The following GABRG3 variants were observed in gnomAD, a reference collection of about 807,000 sequenced individuals.
GABRG3 encodes the protein gamma-aminobutyric acid type A receptor subunit gamma3.
Under a neutral mutation model 48.8 loss-of-function variants are expected in GABRG3, and 25 were observed. The ratio of observed to expected loss-of-function variants is 0.51; its 90% CI spans 0.37 to 0.72. The LOEUF is 0.72. Ranked by LOEUF, GABRG3 falls within the 30% of genes least tolerant of loss-of-function variation. The pLI, the probability that GABRG3 is intolerant of heterozygous loss-of-function variation, is 0.00. For missense variants in GABRG3, 394 were observed against 577.9 expected (o/e 0.68, Z 3.26); for synonymous variants, 227 against 217.6 (o/e 1.04, Z -0.38).
At chr15:27,307,216 T>G (rs534348502) in intron 3 of GABRG3, among the ~76,000 whole-genome samples, 2 of 138,308 alleles carry the variant, frequency 1.4e-5, no homozygotes, top group African/African-American at 5.1e-5. Flanking sequence ...CATGTTTATA[T>G]ATAACCATGT....
At chr15:27,328,149 C>T (rs1482829461) in intron 4 of GABRG3, among the ~76,000 whole-genome samples, 2 of 150,882 alleles carry the variant, frequency 1.3e-5, no homozygotes, top group Non-Finnish European at 2.9e-5. Flanking sequence ...AAACACGCCA[C>T]AGCTGGGAAC....
rs924157856 is a variant in GABRG3, at chr15:27,100,600, C to A, written c.270+73779C>A. On this transcript the variant is annotated intron_variant, in intron 3 of 9. Transcript: ENST00000615808. ...CTCAACAAATATTAGCAAATAGAGT[C>A]CTGCAAAGTTTAAAAGAATTATACA... 6.6e-5 allele frequency among the ~76,000 whole-genome samples: 10 copies of A among 152,058 alleles called. 1 individual carries two copies. The highest frequency in any genetic ancestry group is 4.1e-4 in the South Asian group (2 of 4,822).
chr15:27,496,594 G>A (rs964771310), intron 6 of GABRG3, among the ~76,000 whole-genome samples: 6 of 152,126 alleles, frequency 3.9e-5, no homozygotes, highest in Admixed American at 3.9e-4. Context: ...ACATTTCGAA[G>A]CGTTATGATT....
At chr15:27,032,632 T>G (rs180828995) in intron 3 of GABRG3, among the ~76,000 whole-genome samples, 1 of 152,220 alleles carries the variant, frequency 6.6e-6, no homozygotes, top group East Asian at 1.9e-4. Flanking sequence ...GAACTAACAG[T>G]GAGAACTCAC....
chr15:27,236,488 TC>T lies in GABRG3; in HGVS notation c.271-90320del, dbSNP rs1889970663. 6.6e-6 allele frequency among the ~76,000 whole-genome samples: 1 copy of T among 152,196 alleles called. No homozygotes were observed. The highest frequency in any genetic ancestry group is 2.1e-4 in the South Asian group (1 of 4,820). On this transcript the variant is annotated intron_variant, in intron 3 of 9. Transcript: ENST00000615808. The surrounding 1 kb of genome is among the most constrained non-coding windows in gnomAD (Gnocchi z 4.4). Reference sequence around the variant, plus strand: ...TCAGTAACCTTTCACCAGAATTCTCTCTAAGCAGGAAGCAGAAACCAGCTCT... The same window carrying T: ...TCAGTAACCTTTCACCAGAATTCTCTTAAGCAGGAAGCAGAAACCAGCTCT...
chr15:27,418,888 GA>G (rs1306864373), intron 5 of GABRG3: 1 of 152,152 alleles, frequency 6.6e-6, no homozygotes, highest in African/African-American at 2.4e-5. Flanking sequence ...CTGCAGGCAT[GA>G]GTATCAAGTC....
intron 5 of GABRG3, among the ~76,000 whole-genome samples, chr15:27,384,937 A>G (rs553502978): frequency 1.3e-5 from 2 of 152,276 alleles, no homozygotes; most frequent in South Asian, 4.1e-4. Flanking sequence ...TATATAGTAC[A>G]ATGCACATAT....
chr15:27,175,589 A>G (rs1453880729), intron 3 of GABRG3, among the ~76,000 whole-genome samples: 1 of 152,236 alleles, frequency 6.6e-6, no homozygotes, highest in Non-Finnish European at 1.5e-5. Flanking sequence ...AAGCAGTCTG[A>G]TTAGACAAGA....
chr15:27,187,135 A>T (rs571765828), intron 3 of GABRG3, among the ~76,000 whole-genome samples: 1 of 152,284 alleles, frequency 6.6e-6, no homozygotes, highest in African/African-American at 2.4e-5. Flanking sequence ...AATCTGCTGC[A>T]TGTGGCTGGC....
intron 3 of GABRG3, among the ~76,000 whole-genome samples, chr15:27,081,591 C>T (rs1404100714): frequency 6.6e-6 from 1 of 152,134 alleles, no homozygotes; most frequent in African/African-American, 2.4e-5. Flanking sequence ...AGGCTGGCCC[C>T]AAATGGATGT....
intron 3 of GABRG3, among the ~76,000 whole-genome samples, chr15:27,058,456 C>G (rs1896589909): frequency 6.6e-6 from 1 of 152,182 alleles, no homozygotes; most frequent in African/African-American, 2.4e-5. Context: ...TCTGATTGCT[C>G]TGTTTGACTC....
At chr15:27,317,271 G>A (rs2140511966) in intron 3 of GABRG3, among the ~76,000 whole-genome samples, 1 of 152,288 alleles carries the variant, frequency 6.6e-6, no homozygotes, top group South Asian at 2.1e-4. Context: ...CACAGGACTT[G>A]CAGCGAGCTG....
At chr15:27,218,216 G>A (rs1042815266) in intron 3 of GABRG3, among the ~76,000 whole-genome samples, 1 of 151,912 alleles carries the variant, frequency 6.6e-6, no homozygotes, top group Non-Finnish European at 1.5e-5. Flanking sequence ...TAAAGATGAG[G>A]TCTCACCATG....
At chr15:27,222,688 G>C (rs1170097775) in intron 3 of GABRG3, among the ~76,000 whole-genome samples, 2 of 139,720 alleles carry the variant, frequency 1.4e-5, no homozygotes, top group East Asian at 4.4e-4. Flanking sequence ...ACCTTAAGAA[G>C]TCTTGGAGTG....
intron 1 of GABRG3, among the ~76,000 whole-genome samples, chr15:26,973,189 C>A (rs1363871086): frequency 6.6e-6 from 1 of 152,194 alleles, no homozygotes; most frequent in African/African-American, 2.4e-5. Flanking sequence ...TGCCTATTGT[C>A]CTCACTACTG....
intron 5 of GABRG3, among the ~76,000 whole-genome samples, chr15:27,415,045 G>C (rs942115133): frequency 1.3e-5 from 2 of 151,682 alleles, no homozygotes; most frequent in African/African-American, 2.4e-5. Flanking sequence ...CGTTAATTTG[G>C]GTAAATTATC....
chr15:27,417,373 G>T (rs1300862138), intron 5 of GABRG3, among the ~76,000 whole-genome samples: 1 of 152,122 alleles, frequency 6.6e-6, no homozygotes, highest in African/African-American at 2.4e-5. Context: ...ATGTATTTTC[G>T]ATGACCTCTA....
chr15:27,338,263 A>G (rs1894044605), intron 5 of GABRG3, among the ~76,000 whole-genome samples: 1 of 152,158 alleles, frequency 6.6e-6, no homozygotes, highest in African/African-American at 2.4e-5. Flanking sequence ...AAAGTTATCC[A>G]TCAACACACT....
intron 6 of GABRG3, among the ~76,000 whole-genome samples, chr15:27,485,358 T>A (rs965175382): frequency 1.3e-5 from 2 of 152,040 alleles, no homozygotes; most frequent in African/African-American, 4.8e-5. Flanking sequence ...ATTTCAAAAC[T>A]GTGAAAAGAA....
Sources: allele counts gnomAD v4.1 joint callset (sites outside exome capture counted in the v4.1 genomes callset), GRCh38; gene constraint gnomAD v4.1.1; non-coding constraint Gnocchi (gnomAD v3.1); transcripts MANE v1.5; gene names NCBI Gene and HGNC (gene_info 2026-07-23, HGNC 2026-07-21).